The following PCDHA7 variants were observed in gnomAD, a reference collection of about 807,000 sequenced individuals.
The protein encoded by PCDHA7 is protocadherin alpha-7.
PCDHA7 carries 37 observed loss-of-function variants against 57.2 expected under a neutral mutation model. The observed-to-expected ratio is 0.65, with a 90% CI of 0.50 to 0.85. PCDHA7 has a LOEUF of 0.85. PCDHA7 is among the 40% of genes least tolerant of loss of function. PCDHA7 has a pLI of 0.00. For synonymous variants in PCDHA7, 553 were observed against 558.8 expected, an observed-to-expected ratio of 0.99 and a Z score of 0.15; for missense variants, 1,188 against 1,241.8, an observed-to-expected ratio of 0.96 and a Z score of 0.65.
At chr5:140,839,890 G>T (rs1168165739) in intron 1 of PCDHA7, among the ~76,000 whole-genome samples, 2 of 151,956 alleles carry the variant, frequency 1.3e-5, no homozygotes, top group Non-Finnish European at 2.9e-5. Context: ...AATTTTGACA[G>T]AAAAAGATGA....
intron 1 of PCDHA7, among the ~76,000 whole-genome samples, chr5:140,943,364 C>T (rs1463652865): frequency 6.6e-6 from 1 of 150,620 alleles, no homozygotes; most frequent in Non-Finnish European, 1.5e-5. Context: ...GAAAGGAGAT[C>T]ATTAAAATAT....
At chr5:140,982,360 AG>A in intron 2 of PCDHA7, 114 bp from the exon 3 acceptor site, 1 of 1,527,158 alleles carries the variant, frequency 6.5e-7, no homozygotes, top group Non-Finnish European at 8.8e-7. Context: ...AAGCATGAGC[AG>A]AATGTGTTAG....
Position 141,009,940 on chromosome 5 carries a change from T to G in PCDHA7, c.*3T>G, listed in dbSNP as rs782531781. ...CGACTGACAACAGTGACCAGTGAGG[T>G]CCTCAAATGGAAACAAGCCACTTAG... On this transcript the variant is annotated 3_prime_UTR_variant, in exon 4 of 4. Transcript: ENST00000525929. 7 of 1,598,042 alleles carry G rather than the reference T, an allele frequency of 4.4e-6. No homozygotes were observed. The highest frequency in any genetic ancestry group is 4.3e-6 in the Non-Finnish European group (5 of 1,174,556).
chr5:140,874,803 A>G (rs536331240), intron 1 of PCDHA7, among the ~76,000 whole-genome samples: 1 of 152,378 alleles, frequency 6.6e-6, no homozygotes, highest in East Asian at 1.9e-4. Flanking sequence ...AGATTTATGA[A>G]TAAGACAATT....
rs571215806 is a variant in PCDHA7, at chr5:140,940,454, G to T, written c.2356-38495G>T. Among the ~76,000 whole-genome samples, 18 of 151,694 alleles carry T rather than the reference G, an allele frequency of 1.2e-4. No homozygotes were observed. The East Asian group carries it at 3.3e-3, about 28-fold the overall frequency. On this transcript the variant is annotated intron_variant, in intron 1 of 3. Coordinates refer to ENST00000525929, the MANE Select transcript of PCDHA7 (RefSeq NM_018910.3). ...AAGTCTGCCATGATATTTTTTATAGGTTTCTGTTCCCTGCAATTTTTTTTT... is the reference window on the plus strand; with the variant it reads ...AAGTCTGCCATGATATTTTTTATAGTTTTCTGTTCCCTGCAATTTTTTTTT...
Position 140,875,764 on chromosome 5 carries a change from C to T in PCDHA7, c.2355+39026C>T, listed in dbSNP as rs782377276. On this transcript the variant is annotated intron_variant, in intron 1 of 3. Coordinates refer to ENST00000525929, the MANE Select transcript of PCDHA7 (RefSeq NM_018910.3). ...GATCGACCGCGAGAAGCTGTGCGGGCGGAGCGCGGAGTGCAGTATCCACCT... is the reference window on the plus strand; with the variant it reads ...GATCGACCGCGAGAAGCTGTGCGGGTGGAGCGCGGAGTGCAGTATCCACCT... 27 of 1,614,078 alleles carry T rather than the reference C, an allele frequency of 1.7e-5. No homozygotes were observed. In the South Asian group the frequency reaches 2.1e-4, roughly 12 times the overall value.
At chr5:140,959,751 T>C (rs553950058) in intron 1 of PCDHA7, among the ~76,000 whole-genome samples, 12 of 152,210 alleles carry the variant, frequency 7.9e-5, no homozygotes, top group Non-Finnish European at 1.8e-4. Flanking sequence ...CCTTAAAGTA[T>C]ATTTTAATAT....
intron 1 of PCDHA7, chr5:140,870,904 G>A (rs1554164810): frequency 1.9e-6 from 3 of 1,613,840 alleles, no homozygotes; most frequent in African/African-American, 2.7e-5. Context: ...TGCGGACTCA[G>A]GCTACAACGC....
chr5:140,953,648 A>C (rs2094921161), intron 1 of PCDHA7, among the ~76,000 whole-genome samples: 1 of 152,150 alleles, frequency 6.6e-6, no homozygotes, highest in Non-Finnish European at 1.5e-5. Flanking sequence ...CAGGAGCTAT[A>C]GTTGTTATCT....
chr5:140,871,027 C>T (rs1554164992), intron 1 of PCDHA7: 1 of 1,613,114 alleles, frequency 6.2e-7, no homozygotes, highest in African/African-American at 1.3e-5. Context: ...GGCAGACTCG[C>T]CGCGCCACCG....
intron 1 of PCDHA7, chr5:140,883,896 C>G (rs199847007): frequency 6.2e-7 from 1 of 1,613,386 alleles, no homozygotes; most frequent in African/African-American, 1.3e-5. Context: ...TCTGGCGTGC[C>G]GCCTCTGGGC....
intron 1 of PCDHA7, chr5:140,865,867 G>A (rs1382471078): frequency 7.9e-5 from 12 of 152,202 alleles, no homozygotes; most frequent in South Asian, 2.1e-4. Flanking sequence ...ACATGGTCTC[G>A]GCTAGGAAAA....
chr5:141,002,273 AC>A (rs748746747), intron 3 of PCDHA7, among the ~76,000 whole-genome samples: 69 of 152,308 alleles, frequency 4.5e-4, no homozygotes, highest in Non-Finnish European at 9.1e-4. Flanking sequence ...AGAGCTGGTA[AC>A]AAAGGGATGA....
intron 1 of PCDHA7, chr5:140,851,477 T>A: frequency 1.1e-6 from 1 of 890,896 alleles, no homozygotes; most frequent in Non-Finnish European, 1.4e-6. Flanking sequence ...ATAAATGTTA[T>A]AAACACAGCC....
At chr5:140,849,988 G>T (rs2150461736) in intron 1 of PCDHA7, 1 of 1,597,248 alleles carries the variant, frequency 6.3e-7, no homozygotes, top group Non-Finnish European at 8.6e-7. Flanking sequence ...GTGGAGCGGC[G>T]GTTGGGCGAG....
intron 1 of PCDHA7, chr5:140,883,056 A>G (rs1554176597): frequency 6.2e-7 from 1 of 1,614,176 alleles, no homozygotes; most frequent in Admixed American, 1.7e-5. Context: ...TTAGTGATCA[A>G]GCTAAATGCC....
intron 1 of PCDHA7, among the ~76,000 whole-genome samples, chr5:140,951,495 G>A (rs1554219919): frequency 1.3e-5 from 2 of 151,958 alleles, no homozygotes; most frequent in African/African-American, 4.8e-5. Context: ...ATGGTGGAAG[G>A]CAAAAGGAAA....
rs782251799 is a variant in PCDHA7 at position 140,876,987 on chromosome 5, G to T, written c.2355+40249G>T. On this transcript the variant is annotated intron_variant, in intron 1 of 3. Transcript: ENST00000525929. The stretch of plus-strand genomic sequence containing the variant: ...GGCGGGTGGGCGAGCACGCACTGTC[G>T]AGCTACGTGTCGGTGCACGCGGAGA... The T allele has an allele frequency of 9.9e-6, 16 of 1,612,540 alleles. 1 individual carries two copies. The South Asian group carries it at 1.4e-4, about 14-fold the overall frequency.
intron 3 of PCDHA7, among the ~76,000 whole-genome samples, chr5:141,006,466 G>T (rs2153987717): frequency 6.6e-6 from 1 of 152,178 alleles, no homozygotes; most frequent in South Asian, 2.1e-4. Context: ...GCCTGTCTCG[G>T]CCTCCCAAAG....
Sources: allele counts gnomAD v4.1 joint callset (sites outside exome capture counted in the v4.1 genomes callset), GRCh38; gene constraint gnomAD v4.1.1; transcripts MANE v1.5; gene names NCBI Gene and HGNC (gene_info 2026-07-23, HGNC 2026-07-21).